LRRC7: variants seen among roughly 807,000 people sequenced by gnomAD.
LRRC7 encodes leucine rich repeat containing 7.
In LRRC7, 23 loss-of-function variants were observed where a neutral mutation model predicts 175.7. The observed-to-expected ratio is 0.13, with a 90% CI of 0.09 to 0.19. The LOEUF (loss-of-function observed/expected upper bound fraction) is 0.19. Among genes scored for constraint, LRRC7 ranks in the 10% least tolerant of loss-of-function variants. The probability of loss-of-function intolerance (pLI) is 1.00; values close to 1 mark genes in which losing one functional copy is unlikely to be tolerated. For missense variants in LRRC7, 1,354 were observed against 1,904.7 expected, an observed-to-expected ratio of 0.71 and a Z score of 5.38; for synonymous variants, 685 against 680.9, an observed-to-expected ratio of 1.01 and a Z score of -0.09.
At chr1:69,581,867 C>T (rs1036557098) in intron 1 of LRRC7, among the ~76,000 whole-genome samples, 1 of 152,006 alleles carries the variant, frequency 6.6e-6, no homozygotes, top group African/African-American at 2.4e-5. Flanking sequence ...TACTCCTGGT[C>T]CTTTTATACT....
intron 1 of LRRC7, among the ~76,000 whole-genome samples, chr1:69,591,920 T>C (rs1267484236): frequency 6.6e-6 from 1 of 152,084 alleles, no homozygotes; most frequent in African/African-American, 2.4e-5. Context: ...TATTTCCTCT[T>C]TTTTAATTCT....
In LRRC7 at chr1:69,977,611, C is replaced by T. The variant is rs575568552; in HGVS notation, c.712-2768C>T. Among the ~76,000 whole-genome samples the T allele has an allele frequency of 4.8e-4, 73 of 152,272 alleles. 2 individuals carry two copies. The highest frequency in any genetic ancestry group is 1.6e-3 in the African/African-American group (65 of 41,554). On this transcript the variant is annotated intron_variant, in intron 8 of 26. Transcript: ENST00000651989. ...CCTCCCTTTGTATTTCCCAGGCTTCCTTGTGCTAAGGGTGAGGCCATATAA... is the reference window on the plus strand; with the variant it reads ...CCTCCCTTTGTATTTCCCAGGCTTCTTTGTGCTAAGGGTGAGGCCATATAA...
Position 70,039,158 on chromosome 1 carries a change from A to G in LRRC7, c.3334A>G (p.Arg1112Gly), listed in dbSNP as rs745554902. 1.4e-5 allele frequency: 22 copies of G among 1,614,188 alleles called. No individual in the cohort carries two copies. The highest frequency in any genetic ancestry group is 1.9e-5 in the Non-Finnish European group (22 of 1,180,022). ...CATCGCCAAGGATTTGATTAGTCCT[A>G]GAGCTTACAGAGGATACCCACCGAT... ...KNIAKDLISPRAYRGYPPMEQ... is the reference protein window; with the variant it reads ...KNIAKDLISPGAYRGYPPMEQ... The change falls in exon 21 of 27, where the codon AGA (arginine) becomes GGA (glycine). Residue 1112 changes from arginine to glycine, a missense_variant. Physicochemically the swap from Arg to Gly is moderately radical, Grantham distance 125. Around this residue, in one of 4 missense-constraint regions of LRRC7, gnomAD observed 1,032 missense variants for 1,227.2 expected, o/e 0.84. Transcript: ENST00000651989.
At position 70,016,483 on chromosome 1, in the gene LRRC7, C is replaced by T; in HGVS notation, c.1269C>T (p.Phe423=). The T allele has an allele frequency of 1.3e-6, 2 of 1,588,682 alleles. No homozygotes were observed. The highest frequency in any genetic ancestry group is 1.7e-6 in the Non-Finnish European group (2 of 1,168,266). ...LSDNRLKNLP[F]SFTKLKELAA... is the part of the protein sequence containing the mutation. ...TTTGCAGATTGAAGAATTTACCATT[C>T]TCATTTACCAAACTTAAAGAGCTTG... The change falls in exon 14 of 27, where the codon TTC becomes TTT. Residue 423 remains phenylalanine, a synonymous_variant. Transcript: ENST00000651989.
intron 1 of LRRC7, among the ~76,000 whole-genome samples, chr1:69,593,474 C>T (rs1275429037): frequency 6.6e-6 from 1 of 152,030 alleles, no homozygotes; most frequent in African/African-American, 2.4e-5. Flanking sequence ...CAAAAATATA[C>T]TGACAGTTTA....
intron 1 of LRRC7, among the ~76,000 whole-genome samples, chr1:69,603,800 T>C (rs1463663653): frequency 2.0e-5 from 3 of 152,136 alleles, no homozygotes; most frequent in Non-Finnish European, 4.4e-5. Context: ...AAATTTATTT[T>C]ATATTATTTG....
chr1:69,984,766 T>C (rs12048494), intron 9 of LRRC7, among the ~76,000 whole-genome samples: 9,404 of 152,314 alleles, frequency 0.062, 281 homozygotes, highest in South Asian at 0.11. Flanking sequence ...ACTCCAGCTT[T>C]TGAAAGTTCC....
intron 1 of LRRC7, among the ~76,000 whole-genome samples, chr1:69,589,138 GTGTGTGTGTGTGTGTA>G (rs1646528048): frequency 6.6e-6 from 1 of 150,736 alleles, no homozygotes; most frequent in South Asian, 2.1e-4. Context: ...GTGTGTGTGT[GTGTGTGTGTGTGTGTA>G]TGTCTGTGTG....
intron 1 of LRRC7, among the ~76,000 whole-genome samples, chr1:69,637,757 C>G (rs769371861): frequency 6.6e-6 from 1 of 151,882 alleles, no homozygotes. Context: ...CTTAATTACA[C>G]AGAATCATTT....
chr1:69,874,785 G>T (rs1178327902), intron 7 of LRRC7: 1 of 152,032 alleles, frequency 6.6e-6, no homozygotes, highest in Non-Finnish European at 1.5e-5. Flanking sequence ...GTAGATGTTG[G>T]TTTTTTGTTC....
chr1:70,115,092 G>A (rs1181255471), intron 26 of LRRC7, among the ~76,000 whole-genome samples: 1 of 152,200 alleles, frequency 6.6e-6, no homozygotes, highest in Non-Finnish European at 1.5e-5. Flanking sequence ...ATAGAGCATT[G>A]AAATGGGAAT....
intron 1 of LRRC7, among the ~76,000 whole-genome samples, chr1:69,619,739 T>TG (rs1650256547): frequency 6.6e-6 from 1 of 152,132 alleles, no homozygotes; most frequent in African/African-American, 2.4e-5. Context: ...ATCAGAAGCT[T>TG]GAAAAATTCT....
intron 7 of LRRC7, among the ~76,000 whole-genome samples, chr1:69,864,413 A>G (rs534900214): frequency 1.3e-5 from 2 of 152,348 alleles, no homozygotes; most frequent in South Asian, 2.1e-4. Flanking sequence ...ATGATATTCA[A>G]CAACACAGCT....
At chr1:69,819,575 C>CTGAG (rs1343426681) in intron 4 of LRRC7, among the ~76,000 whole-genome samples, 13 of 133,318 alleles carry the variant, frequency 9.8e-5, no homozygotes, top group African/African-American at 4.1e-4. Context: ...CTCTCTCTCT[C>CTGAG]TCTGTGTGTG....
rs1666405620 is a variant in LRRC7 at position 70,125,554 on chromosome 1, A to C, written c.*3667A>C. ...ACGCCTGTAATCCCAGCACTTTGGG[A>C]GGCCGAGGCGGGCGGATCACGAGGT... On this transcript the variant is annotated 3_prime_UTR_variant, in exon 27 of 27. Coordinates refer to ENST00000651989, the MANE Select transcript of LRRC7 (RefSeq NM_001370785.2). 6.6e-6 allele frequency among the ~76,000 whole-genome samples: 1 copy of C among 152,162 alleles called. No individual in the cohort carries two copies. Among genetic ancestry groups the C allele is most frequent in the South Asian group, 2.1e-4 (1 of 4,832 alleles).
rs577047180 is a variant in LRRC7, at chr1:70,125,791, C to CAAAAA, written c.*3921_*3925dup. On this transcript the variant is annotated 3_prime_UTR_variant, in exon 27 of 27. Coordinates refer to ENST00000651989, the MANE Select transcript of LRRC7 (RefSeq NM_001370785.2). ...TGGGCGACAGAGCGAGACTCCGTCT[C>CAAAAA]AAAAAAAAAAAAAAAAAAAAAGAGA... is the stretch of plus-strand genomic sequence containing the variant. Among the ~76,000 whole-genome samples the CAAAAA allele has an allele frequency of 1.8e-4, 16 of 87,250 alleles. No homozygotes were observed. The highest frequency in any genetic ancestry group is 3.3e-4 in the East Asian group (1 of 3,062). 57.2% of individuals were successfully genotyped at this position (87,250 alleles called of 152,430 possible).
intron 3 of LRRC7, among the ~76,000 whole-genome samples, chr1:69,782,131 A>G (rs1673833933): frequency 6.6e-6 from 1 of 152,180 alleles, no homozygotes; most frequent in African/African-American, 2.4e-5. Flanking sequence ...AAGTAGAGAC[A>G]ATATACATCA....
chr1:70,010,461 AG>A (rs1656400657), intron 11 of LRRC7, among the ~76,000 whole-genome samples: 1 of 152,150 alleles, frequency 6.6e-6, no homozygotes, highest in Non-Finnish European at 1.5e-5. Flanking sequence ...GCTACTTGGG[AG>A]GCTGAGACAG....
Position 69,683,936 on chromosome 1 carries a change from T to C in LRRC7, c.100+5458T>C, listed in dbSNP as rs569418368. Among the ~76,000 whole-genome samples the C allele has an allele frequency of 1.9e-4, 29 of 151,986 alleles. No individual in the cohort carries two copies. In the East Asian group the frequency reaches 2.9e-3, roughly 15 times the overall value. ...GGAAAGATGATGAAATAATAAATAATTATGGGAAACAATTACATGTGGAAA... is the reference window on the plus strand; with the variant it reads ...GGAAAGATGATGAAATAATAAATAACTATGGGAAACAATTACATGTGGAAA... On this transcript the variant is annotated intron_variant, in intron 2 of 26. Coordinates refer to ENST00000651989, the MANE Select transcript of LRRC7 (RefSeq NM_001370785.2).
Sources: allele counts gnomAD v4.1 joint callset (sites outside exome capture counted in the v4.1 genomes callset), GRCh38; gene constraint gnomAD v4.1.1; regional missense constraint gnomAD v4.1.1; transcripts MANE v1.5; gene names NCBI Gene and HGNC (gene_info 2026-07-23, HGNC 2026-07-21).